Variants in TEX11 observed in about 807,000 individuals in gnomAD.
TEX11 encodes testis-expressed protein 11.
A neutral mutation model predicts 84.4 loss-of-function variants in TEX11; 7 were observed. That is an observed-to-expected ratio of 0.08 (90% confidence interval 0.05 to 0.16). The LOEUF (loss-of-function observed/expected upper bound fraction) is 0.16. Ranked by LOEUF, TEX11 falls within the 10% of genes least tolerant of loss-of-function variation. TEX11 has a pLI of 1.00. For synonymous variants in TEX11, 264 were observed against 222.8 expected, an observed-to-expected ratio of 1.18 and a Z score of -1.64; for missense variants, 551 against 660.5, an observed-to-expected ratio of 0.83 and a Z score of 1.82.
chrX:70,732,337 A>G (rs2090659600), intron 11 of TEX11, among the ~76,000 whole-genome samples: 1 of 111,597 alleles, frequency 9.0e-6, no homozygotes, highest in Non-Finnish European at 1.9e-5. Flanking sequence ...AGGGTATTCA[A>G]TTAGGAAAAG....
chrX:70,630,176 G>A (rs947454628), intron 17 of TEX11, among the ~76,000 whole-genome samples: 5 of 110,202 alleles, frequency 4.5e-5, no homozygotes, highest in African/African-American at 1.7e-4. Flanking sequence ...GCCAGGTGCA[G>A]TTGCGGGCGT....
At chrX:70,753,333 C>A (rs1205516067) in intron 9 of TEX11, among the ~76,000 whole-genome samples, 1 of 111,155 alleles carries the variant, frequency 9.0e-6, no homozygotes, top group Non-Finnish European at 1.9e-5. Flanking sequence ...AAAAGAGACC[C>A]CTTCCTTCCA....
At chrX:70,828,314 T>G (rs111417691) in intron 8 of TEX11, among the ~76,000 whole-genome samples, 4,020 of 110,592 alleles carry the variant, frequency 0.036, 178 homozygotes, top group African/African-American at 0.12. Flanking sequence ...AAATAGCTAT[T>G]TTGAAGAAAC....
chrX:70,586,422 G>A (rs1475017665), intron 25 of TEX11, among the ~76,000 whole-genome samples: 1 of 111,926 alleles, frequency 8.9e-6, no homozygotes, highest in Non-Finnish European at 1.9e-5. Context: ...TCATATACCT[G>A]ATAAGGGTTT....
At chrX:70,527,540 A>G (rs73216754), downstream of TEX11, among the ~76,000 whole-genome samples, 7,482 of 112,069 alleles carry the variant, frequency 0.067, 215 homozygotes, top group East Asian at 0.11. Flanking sequence ...GAATCATTTC[A>G]GTTTGTAGGA....
In TEX11 at chrX:70,817,591, G is replaced by T. The variant is rs186115701; in HGVS notation, c.607-10801C>A. ...GGCAGCTACTCAGGAGGCTGAGGCA[G>T]GAGAACCCCTTGAACCCAGGTGGCA... On this transcript the variant is annotated intron_variant, in intron 8 of 29. Transcript: ENST00000374333. Among the ~76,000 whole-genome samples the T allele has an allele frequency of 7.0e-3, 769 of 110,628 alleles. 7 individuals carry two copies. Among genetic ancestry groups the T allele is most frequent in the African/African-American group, 0.024 (737 of 30,354 alleles).
At chrX:70,855,507 A>G (rs1388553918) in intron 5 of TEX11, among the ~76,000 whole-genome samples, 1 of 109,271 alleles carries the variant, frequency 9.2e-6, no homozygotes, top group Non-Finnish European at 1.9e-5. Context: ...TGGAGGTTGT[A>G]GTGAGCTGAG....
chrX:70,671,970 C>A (rs2147639171), intron 15 of TEX11, among the ~76,000 whole-genome samples: 1 of 100,275 alleles, frequency 1.0e-5, no homozygotes, highest in East Asian at 3.3e-4. Flanking sequence ...TCCATCACAA[C>A]CATTTTTTCT....
At chrX:70,532,414 G>A (rs1053275405) in intron 28 of TEX11, among the ~76,000 whole-genome samples, 2 of 112,616 alleles carry the variant, frequency 1.8e-5, no homozygotes, top group African/African-American at 6.4e-5. Flanking sequence ...ACCTCCGTGT[G>A]GGAAAACACA....
At chrX:70,838,184 C>T (rs1193660066) in intron 7 of TEX11, among the ~76,000 whole-genome samples, 2 of 111,598 alleles carry the variant, frequency 1.8e-5, no homozygotes, top group African/African-American at 6.5e-5. Flanking sequence ...TTTGGGAGGC[C>T]GAGGTGGGTG....
chrX:70,900,201 G>T (rs922288114), intron 2 of TEX11, among the ~76,000 whole-genome samples: 4 of 104,491 alleles, frequency 3.8e-5, no homozygotes, highest in Non-Finnish European at 7.8e-5. Context: ...TAATTAATTA[G>T]TTAAAATAAA....
chrX:70,701,416 C>T, intron 13 of TEX11, among the ~76,000 whole-genome samples: 1 of 112,025 alleles, frequency 8.9e-6, no homozygotes, highest in Non-Finnish European at 1.9e-5. Context: ...TGGATGATAG[C>T]ACATCTGTTA....
intron 15 of TEX11, among the ~76,000 whole-genome samples, chrX:70,672,174 T>C (rs1418910125): frequency 9.0e-6 from 1 of 110,752 alleles, no homozygotes; most frequent in Admixed American, 9.7e-5. Context: ...ATCCCCATTA[T>C]TGCATCTATC....
the TEX11 span, among the ~76,000 whole-genome samples, chrX:70,517,887 A>T: frequency 1.8e-5 from 2 of 111,098 alleles, no homozygotes; most frequent in Non-Finnish European, 3.8e-5. Context: ...CATTTCTTCT[A>T]GATTTTCTAG....
At chrX:70,617,122 C>G (rs1222319654) in intron 20 of TEX11, among the ~76,000 whole-genome samples, 1 of 109,328 alleles carries the variant, frequency 9.1e-6, no homozygotes, top group Non-Finnish European at 1.9e-5. Context: ...CACATGTAGC[C>G]CATAAATATA....
chrX:70,651,458 G>T lies in TEX11; in HGVS notation c.1475C>A (p.Ser492Tyr), dbSNP rs748692382. Residue 492 changes from serine (S) to tyrosine (Y), a missense_variant, in exon 17 of 30, where the codon TCT becomes TAT. Transcript: ENST00000374333. ...ACAAATAAAATTTATACCTCTTTCAGAGTTGCCCTCTATGACTGCAATCTT... is the reference window on the plus strand; with the variant it reads ...ACAAATAAAATTTATACCTCTTTCATAGTTGCCCTCTATGACTGCAATCTT... ...IFKIAVIEGN[S>Y]ERALQAIITL... The T allele has an allele frequency of 1.3e-5, 15 of 1,185,677 alleles. No homozygotes were observed. The Admixed American group carries it at 1.3e-4, about 11-fold the overall frequency.
intron 27 of TEX11, among the ~76,000 whole-genome samples, chrX:70,552,673 C>T (rs2088231995): frequency 8.9e-6 from 1 of 111,923 alleles, no homozygotes; most frequent in African/African-American, 3.2e-5. Flanking sequence ...AAAAAAGTCA[C>T]ACAACATCTA....
chrX:70,868,678 C>G (rs1335001229), intron 4 of TEX11, among the ~76,000 whole-genome samples: 2 of 111,414 alleles, frequency 1.8e-5, no homozygotes, highest in African/African-American at 6.5e-5. Flanking sequence ...ACATATACAC[C>G]ATGGAATACT....
chrX:70,697,204 G>C (rs1408490423), intron 13 of TEX11, among the ~76,000 whole-genome samples: 1 of 111,864 alleles, frequency 8.9e-6, no homozygotes, highest in African/African-American at 3.2e-5. Context: ...AGATAATCCA[G>C]GATGATCTCC....
Sources: gnomAD v4.1 joint callset for allele counts (sites outside exome capture counted in the v4.1 genomes callset) on GRCh38, gnomAD v4.1.1 for gene constraint, MANE v1.5 for transcripts, NCBI Gene and HGNC (gene_info 2026-07-23, HGNC 2026-07-21) for gene names.